TENM4: variants seen among roughly 807,000 people sequenced by gnomAD.
TENM4 encodes teneurin transmembrane protein 4.
Under a neutral mutation model 243.3 loss-of-function variants are expected in TENM4, and 82 were observed. The ratio of observed to expected loss-of-function variants is 0.34; its 90% CI spans 0.28 to 0.40. The LOEUF is 0.40. TENM4 is among the 10% of genes least tolerant of loss of function. The pLI is 1.00. For missense variants in TENM4, 3,138 were observed against 3,673.3 expected, an observed-to-expected ratio of 0.85 and a Z score of 3.77; for synonymous variants, 1,412 against 1,456.3, an observed-to-expected ratio of 0.97 and a Z score of 0.69.
intron 1 of TENM4, among the ~76,000 whole-genome samples, chr11:79,398,803 C>T (rs2135552422): frequency 7.1e-6 from 1 of 140,748 alleles, no homozygotes; most frequent in Non-Finnish European, 1.5e-5. Flanking sequence ...AGATGGAAGA[C>T]AGATAAGGTA....
intron 29 of TENM4, among the ~76,000 whole-genome samples, chr11:78,687,671 T>C (rs979224680): frequency 2.6e-5 from 4 of 152,204 alleles, no homozygotes; most frequent in African/African-American, 9.7e-5. Context: ...CAGGAAGGAC[T>C]TCTCCATAAT....
chr11:79,208,747 TA>T, intron 3 of TENM4, among the ~76,000 whole-genome samples: 1 of 152,340 alleles, frequency 6.6e-6, no homozygotes, highest in South Asian at 2.1e-4. Flanking sequence ...GGCTGACATC[TA>T]ATAGGCGCTC....
At position 78,658,038 on chromosome 11, in the gene TENM4, G is replaced by T. The variant is rs1170147152; in HGVS notation, c.*20C>A. ...ACAAAAGAGTAGCTGTCTTTGGCAAGAAGTCCTTGGTCCTCTCTGTCACCT... is the reference window on the plus strand; with the variant it reads ...ACAAAAGAGTAGCTGTCTTTGGCAATAAGTCCTTGGTCCTCTCTGTCACCT... On this transcript the variant is annotated 3_prime_UTR_variant, in exon 34 of 34. Coordinates refer to ENST00000278550, the MANE Select transcript of TENM4 (RefSeq NM_001098816.3). 1.2e-6 allele frequency: 2 copies of T among 1,613,918 alleles called. No individual in the cohort carries two copies. The highest frequency in any genetic ancestry group is 1.7e-6 in the Non-Finnish European group (2 of 1,179,906).
intron 6 of TENM4, among the ~76,000 whole-genome samples, chr11:78,922,699 G>A (rs966265827): frequency 6.6e-5 from 10 of 152,192 alleles, no homozygotes; most frequent in Admixed American, 5.9e-4. Context: ...TTATAGTTCA[G>A]CAGGCATCAG....
At chr11:78,815,520 T>C (rs1017523810) in intron 12 of TENM4, among the ~76,000 whole-genome samples, 10 of 152,258 alleles carry the variant, frequency 6.6e-5, no homozygotes, top group African/African-American at 2.4e-4. Flanking sequence ...ATGCTCTGTG[T>C]GACAGGTCAA....
intron 6 of TENM4, among the ~76,000 whole-genome samples, chr11:79,029,377 C>T (rs935091601): frequency 6.6e-6 from 1 of 152,192 alleles, no homozygotes; most frequent in African/African-American, 2.4e-5. Context: ...ATAACCAATG[C>T]TCTTATGGAG....
chr11:78,714,555 A>G (rs1279065215), intron 25 of TENM4, among the ~76,000 whole-genome samples: 1 of 150,302 alleles, frequency 6.7e-6, no homozygotes, highest in African/African-American at 2.5e-5. Flanking sequence ...TCTTGATCTA[A>G]CCCAAATACC....
At chr11:79,045,099 T>C (rs1027261000) in intron 6 of TENM4, among the ~76,000 whole-genome samples, 1 of 152,232 alleles carries the variant, frequency 6.6e-6, no homozygotes, top group South Asian at 2.1e-4. Context: ...AGTTATTCTC[T>C]TTCCACATCC....
At chr11:79,429,759 G>C (rs930613140) in intron 1 of TENM4, among the ~76,000 whole-genome samples, 8 of 152,152 alleles carry the variant, frequency 5.3e-5, no homozygotes, top group African/African-American at 1.9e-4. Context: ...CAGTGACTTA[G>C]TGGTACCTCA....
At chr11:79,233,718 G>A (rs2135265946) in intron 2 of TENM4, among the ~76,000 whole-genome samples, 1 of 152,256 alleles carries the variant, frequency 6.6e-6, no homozygotes, top group South Asian at 2.1e-4. Flanking sequence ...GTAGAGCCCT[G>A]GTATGTATTC....
Position 79,029,677 on chromosome 11 carries a change from C to T in TENM4, c.493+35061G>A, listed in dbSNP as rs558286508. On this transcript the variant is annotated intron_variant, in intron 6 of 33. Transcript: ENST00000278550. Reference sequence around the variant, plus strand: ...TCAGTCTCATTCCCAGAGGGGCCTTCGCAGTTGGAATCTTAATTCAGAAAG... The same window carrying T: ...TCAGTCTCATTCCCAGAGGGGCCTTTGCAGTTGGAATCTTAATTCAGAAAG... Among the ~76,000 whole-genome samples the T allele has an allele frequency of 1.6e-4, 24 of 152,212 alleles. 1 individual carries two copies. The South Asian group carries it at 3.5e-3, about 22-fold the overall frequency.
intron 6 of TENM4, among the ~76,000 whole-genome samples, chr11:78,935,260 C>T (rs190109905): frequency 2.0e-3 from 303 of 152,080 alleles, no homozygotes; most frequent in African/African-American, 7.0e-3. Flanking sequence ...ATCCACCCGC[C>T]TCGGCCTCCC....
rs146556040 is a variant in TENM4 at position 79,339,705 on chromosome 11, T to C, written c.-320-42162A>G. On this transcript the variant is annotated intron_variant, in intron 1 of 33. Coordinates refer to ENST00000278550, the MANE Select transcript of TENM4 (RefSeq NM_001098816.3). ...GTCACAGGGAGAGAAGGAAGAGACA[T>C]GAAGGAGCAAGAGAGGGAAAAAAAA... is the stretch of plus-strand genomic sequence containing the variant. Among the ~76,000 whole-genome samples the C allele has an allele frequency of 8.9e-4, 132 of 148,104 alleles. 7 individuals carry two copies. In the South Asian group the frequency reaches 0.015, roughly 17 times the overall value.
intron 6 of TENM4, among the ~76,000 whole-genome samples, chr11:78,934,642 C>T (rs1041804669): frequency 6.6e-6 from 1 of 152,162 alleles, no homozygotes. Context: ...TTGCTTCACA[C>T]GAGGTCAAAT....
At chr11:78,965,612 T>A (rs1172802539) in intron 6 of TENM4, among the ~76,000 whole-genome samples, 3 of 152,234 alleles carry the variant, frequency 2.0e-5, no homozygotes, top group Non-Finnish European at 4.4e-5. Flanking sequence ...AAGTAAATTG[T>A]TCCGTCATAA....
At position 79,067,336 on chromosome 11, in the gene TENM4, G is replaced by A. The variant is rs980748966; in HGVS notation, c.224-2329C>T. On this transcript the variant is annotated intron_variant, in intron 5 of 33. Transcript: ENST00000278550. ...TCAGTCGGCTTCCTGCTCTCCCTGC[G>A]TATCACACTCCCTGGCCGCTCTCTG... Among the ~76,000 whole-genome samples the A allele has an allele frequency of 1.5e-4, 21 of 138,844 alleles. No homozygotes were observed. In the South Asian group the frequency reaches 2.8e-3, roughly 19 times the overall value. The allele number at this position is 138,844 out of a possible 152,430, so 91.1% of individuals were successfully genotyped here. A position where few individuals can be genotyped will look rare whatever the true frequency, so the allele number is the denominator to read the frequency against.
intron 2 of TENM4, among the ~76,000 whole-genome samples, chr11:79,297,175 A>G (rs2135391802): frequency 6.6e-6 from 1 of 152,304 alleles, no homozygotes; most frequent in Admixed American, 6.5e-5. Flanking sequence ...CAACTGCAGC[A>G]TGGACCAGTT....
chr11:79,091,204 C>A (rs1308799455), intron 4 of TENM4, among the ~76,000 whole-genome samples: 1 of 152,156 alleles, frequency 6.6e-6, no homozygotes, highest in Non-Finnish European at 1.5e-5. Context: ...CTAGAAAAAC[C>A]ACTGCCTTAA....
At chr11:79,281,250 T>A (rs1856151842) in intron 2 of TENM4, among the ~76,000 whole-genome samples, 1 of 152,150 alleles carries the variant, frequency 6.6e-6, no homozygotes, top group Non-Finnish European at 1.5e-5. Context: ...AGGGAGGTAT[T>A]ATGATCATTT....
Sources: allele counts gnomAD v4.1 joint callset (sites outside exome capture counted in the v4.1 genomes callset), GRCh38; gene constraint gnomAD v4.1.1; transcripts MANE v1.5; gene names NCBI Gene and HGNC (gene_info 2026-07-23, HGNC 2026-07-21).